Variants in PRELID2 observed in about 807,000 individuals in gnomAD.
The protein encoded by PRELID2 is PRELI domain containing 2.
A neutral mutation model predicts 28.4 loss-of-function variants in PRELID2; 25 were observed. That is an observed-to-expected ratio of 0.88 (90% CI 0.64 to 1.23). The LOEUF (loss-of-function observed/expected upper bound fraction) is 1.23, where lower values mean the gene tolerates loss of function less well. PRELID2 is among the 50% of genes most tolerant of loss of function. PRELID2 has a pLI of 0.00. For missense variants in PRELID2, 201 were observed against 214.4 expected, an observed-to-expected ratio of 0.94 and a Z score of 0.39; for synonymous variants, 76 against 71.6, an observed-to-expected ratio of 1.06 and a Z score of -0.31.
chr5:145,366,506 G>C, the PRELID2 span, among the ~76,000 whole-genome samples: 208 of 151,954 alleles, frequency 1.4e-3, no homozygotes, highest in Non-Finnish European at 2.2e-3. Flanking sequence ...TTCAATTGTC[G>C]CCAAGCATTG....
the PRELID2 span, among the ~76,000 whole-genome samples, chr5:145,262,310 C>T: frequency 6.6e-6 from 1 of 151,988 alleles, no homozygotes; most frequent in African/African-American, 2.4e-5. Flanking sequence ...GAGAGCTAGA[C>T]ATCCAAATAC....
At chr5:145,502,499 G>T (rs1752368643) in intron 1 of PRELID2, among the ~76,000 whole-genome samples, 1 of 152,180 alleles carries the variant, frequency 6.6e-6, no homozygotes, top group Non-Finnish European at 1.5e-5. Flanking sequence ...CTATATGAAA[G>T]GGGAGGAGGT....
At chr5:145,699,851 T>G (rs1755367252) in intron 1 of PRELID2, among the ~76,000 whole-genome samples, 3 of 152,184 alleles carry the variant, frequency 2.0e-5, no homozygotes, top group Admixed American at 1.3e-4. Flanking sequence ...TCTTGGGGAT[T>G]CCAAAAACAG....
chr5:145,689,274 C>T (rs1268754968), intron 1 of PRELID2, among the ~76,000 whole-genome samples: 2 of 151,840 alleles, frequency 1.3e-5, no homozygotes, highest in African/African-American at 2.4e-5. Context: ...AAGAGACCTC[C>T]GTGAGGCAGG....
chr5:145,647,531 G>A (rs1015942301), intron 1 of PRELID2, among the ~76,000 whole-genome samples: 4 of 152,206 alleles, frequency 2.6e-5, no homozygotes, highest in South Asian at 4.1e-4. Flanking sequence ...GGGAGTGAAC[G>A]GTTCTGTCTC....
rs10077055 is a variant in PRELID2 at position 145,823,202 on chromosome 5, C to T, written c.76-68G>A. The T allele has an allele frequency of 0.012, 9,321 of 785,356 alleles. 460 individuals carry two copies. The African/African-American group carries it at 0.12, about 10-fold the overall frequency. The allele number at this position is 785,356 out of a possible 1,614,324, so 48.6% of individuals were successfully genotyped here. ...CCAAGGTGAACTATTTAGAAGTAACCACAGCTGTCTGCAGGACTAGTAAAT... is the reference window on the plus strand; with the variant it reads ...CCAAGGTGAACTATTTAGAAGTAACTACAGCTGTCTGCAGGACTAGTAAAT... On this transcript the variant is annotated intron_variant, in intron 1 of 6. Coordinates refer to ENST00000683046, the MANE Select transcript of PRELID2 (RefSeq NM_205846.3).
At chr5:145,356,773 T>G in the PRELID2 span, among the ~76,000 whole-genome samples, 1 of 152,218 alleles carries the variant, frequency 6.6e-6, no homozygotes. Flanking sequence ...AATATTGATA[T>G]GTCAGGTTTG....
At chr5:145,584,140 C>T (rs1285439432) in intron 1 of PRELID2, among the ~76,000 whole-genome samples, 1 of 152,046 alleles carries the variant, frequency 6.6e-6, no homozygotes, top group African/African-American at 2.4e-5. Context: ...GACCACACAC[C>T]TACAACCATC....
the PRELID2 span, among the ~76,000 whole-genome samples, chr5:145,270,481 T>C: frequency 6.6e-6 from 1 of 151,756 alleles, no homozygotes; most frequent in African/African-American, 2.4e-5. Flanking sequence ...CATAAAAGAG[T>C]GCATAGTGTG....
chr5:145,493,783 T>C (rs1402731771), intron 1 of PRELID2, among the ~76,000 whole-genome samples: 1 of 152,216 alleles, frequency 6.6e-6, no homozygotes, highest in Non-Finnish European at 1.5e-5. Context: ...ATATCCATGA[T>C]GAGGCTTCTC....
At chr5:145,379,557 T>C in the PRELID2 span, among the ~76,000 whole-genome samples, 10 of 152,130 alleles carry the variant, frequency 6.6e-5, no homozygotes, top group Non-Finnish European at 1.3e-4. Context: ...CTGTGCAATG[T>C]TAACACAGAG....
chr5:145,424,278 C>G, the PRELID2 span, among the ~76,000 whole-genome samples: 3 of 152,220 alleles, frequency 2.0e-5, no homozygotes, highest in South Asian at 2.1e-4. Flanking sequence ...TTCGAGCTTC[C>G]CGGCTGCTTT....
the PRELID2 span, among the ~76,000 whole-genome samples, chr5:145,277,157 G>A: frequency 2.6e-4 from 40 of 152,160 alleles, no homozygotes; most frequent in African/African-American, 9.2e-4. Flanking sequence ...ACCCTCACCA[G>A]ACTGTATGGA....
At chr5:145,314,725 C>T in the PRELID2 span, among the ~76,000 whole-genome samples, 1 of 151,728 alleles carries the variant, frequency 6.6e-6, no homozygotes, top group Non-Finnish European at 1.5e-5. Flanking sequence ...CCAGGTCATC[C>T]CTGGGCACTA....
intron 1 of PRELID2, among the ~76,000 whole-genome samples, chr5:145,609,877 G>T (rs1344811114): frequency 1.3e-5 from 2 of 152,208 alleles, no homozygotes; most frequent in African/African-American, 4.8e-5. Flanking sequence ...TTCAGACAAA[G>T]TGAGATCACT....
chr5:145,609,264 T>G (rs537158185), intron 1 of PRELID2, among the ~76,000 whole-genome samples: 1 of 152,250 alleles, frequency 6.6e-6, no homozygotes, highest in Non-Finnish European at 1.5e-5. Context: ...TTTCTGACAA[T>G]TCAGCCATTT....
At chr5:145,363,128 A>T in the PRELID2 span, among the ~76,000 whole-genome samples, 1 of 151,878 alleles carries the variant, frequency 6.6e-6, no homozygotes, top group African/African-American at 2.4e-5. Flanking sequence ...AAAAAAAAAA[A>T]AAAACAGAGA....
chr5:145,589,314 A>G (rs1461953373), intron 1 of PRELID2, among the ~76,000 whole-genome samples: 3 of 152,188 alleles, frequency 2.0e-5, no homozygotes, highest in African/African-American at 7.2e-5. Flanking sequence ...AGGCTCTTAC[A>G]TGTTCAATTA....
intron 1 of PRELID2, among the ~76,000 whole-genome samples, chr5:145,607,728 G>A (rs1753525062): frequency 6.6e-6 from 1 of 152,096 alleles, no homozygotes; most frequent in Non-Finnish European, 1.5e-5. Flanking sequence ...GATGATTTAA[G>A]GTAGAGAATT....
Sources: allele counts gnomAD v4.1 joint callset (sites outside exome capture counted in the v4.1 genomes callset), GRCh38; gene constraint gnomAD v4.1.1; transcripts MANE v1.5; gene names NCBI Gene and HGNC (gene_info 2026-07-23, HGNC 2026-07-21).